Variants in E4F1 observed in about 807,000 individuals in gnomAD.
E4F1 encodes the protein E4F transcription factor 1.
E4F1 carries 30 observed loss-of-function variants against 72.9 expected under a neutral mutation model. That is an observed-to-expected ratio of 0.41 (90% CI 0.31 to 0.56). E4F1 has a LOEUF of 0.56. Ranked by LOEUF, E4F1 falls within the 20% of genes least tolerant of loss-of-function variation. The probability of loss-of-function intolerance (pLI) is 0.25; values close to 1 mark genes in which losing one functional copy is unlikely to be tolerated. For missense variants in E4F1, 1,091 were observed against 1,117.5 expected (o/e 0.98, Z 0.34); for synonymous variants, 542 against 478.2 (o/e 1.13, Z -1.74).
chr16:2,223,756 C>A lies in E4F1; in HGVS notation c.143C>A (p.Pro48His). Reference protein sequence around the residue: ...APSGFLGLPAPFSEEDEDDVH... With the variant: ...APSGFLGLPAHFSEEDEDDVH... Reference sequence around the variant, plus strand: ...AGCGGCTTCCTCGGCCTCCCGGCGCCCTTCAGCGAGGAAGGTAACCGGGCC... The same window carrying A: ...AGCGGCTTCCTCGGCCTCCCGGCGCACTTCAGCGAGGAAGGTAACCGGGCC... The change falls in exon 1 of 14, where the codon CCC (proline) becomes CAC (histidine). Residue 48 changes from proline (P) to histidine (H), a missense_variant. By Grantham distance (77) the Pro-to-His change is moderately conservative (BLOSUM62 -2). Transcript: ENST00000301727. 3.3e-6 allele frequency: 5 copies of A among 1,532,918 alleles called. No individual in the cohort carries two copies. The highest frequency in any genetic ancestry group is 4.3e-6 in the Non-Finnish European group (5 of 1,151,144). 95.0% of individuals were successfully genotyped at this position (1,532,918 alleles called of 1,614,324 possible).
At chr16:2,223,816 A>T in intron 1 of E4F1, 46 bp downstream of exon 1, 1 of 1,535,454 alleles carries the variant, frequency 6.5e-7, no homozygotes, top group Non-Finnish European at 8.7e-7. Flanking sequence ...CGGGCAGTTC[A>T]TCCCGGGCTG....
intron 10 of E4F1, 43 bp downstream of exon 10, chr16:2,234,431 C>T (rs1027792336): frequency 1.2e-6 from 2 of 1,605,986 alleles, no homozygotes; most frequent in East Asian, 2.2e-5. Flanking sequence ...ATCCCCCCAT[C>T]CTGCTCCCTG....
chr16:2,235,097 C>G lies in E4F1; in HGVS notation c.1952C>G (p.Ala651Gly). The change falls in exon 13 of 14, where the codon GCG becomes GGG. Residue 651 changes from alanine (A) to glycine (G), a missense_variant. Physicochemically the swap from Ala to Gly is moderately conservative, Grantham distance 60 (BLOSUM62 0). Transcript: ENST00000301727. ...TCTGCCCAGGCCACTGCGGACGATG[C>G]GGAGACCAGTGAGGCCACGGAGATC... Reference protein sequence around the residue: ...EYIIEATADDAETSEATEIIE... With the variant: ...EYIIEATADDGETSEATEIIE... 8 of 1,612,324 alleles carry G rather than the reference C, an allele frequency of 5.0e-6. No homozygotes were observed. The highest frequency in any genetic ancestry group is 4.5e-5 in the East Asian group (2 of 44,840).
At chr16:2,231,823 C>T (rs112862402) in intron 3 of E4F1, 21 of 274,732 alleles carry the variant, frequency 7.6e-5, no homozygotes, top group African/African-American at 4.0e-4. Flanking sequence ...GCAGGACAGG[C>T]GGCTGTCTCT....
In E4F1 at chr16:2,234,577, C is replaced by T. The variant is rs2093491437; in HGVS notation, c.1594-6C>T. The T allele has an allele frequency of 6.3e-7, 1 of 1,580,446 alleles. No individual in the cohort carries two copies. The highest frequency in any genetic ancestry group is 8.6e-7 in the Non-Finnish European group (1 of 1,163,300). ...GCCAGGCTGGCACTGACAGGTGTCT[C>T]CACAGAACGCACAGCAGGTGCACTT... On this transcript the variant is annotated splice_polypyrimidine_tract_variant and splice_region_variant and intron_variant, in intron 10 of 13. Coordinates refer to ENST00000301727, the MANE Select transcript of E4F1 (RefSeq NM_004424.5).
Position 2,235,408 on chromosome 16 carries a change from A to G in E4F1, c.2191A>G (p.Ile731Val). 6.2e-7 allele frequency: 1 copy of G among 1,612,050 alleles called. No individual in the cohort carries two copies. The highest frequency in any genetic ancestry group is 8.5e-7 in the Non-Finnish European group (1 of 1,179,906). Reference protein sequence around the residue: ...EQVAMTLASAISEGTVLAARA... With the variant: ...EQVAMTLASAVSEGTVLAARA... ...GGTGGCCATGACGCTGGCCTCGGCC[A>G]TCAGCGAGGGCACTGTGCTTGCCGC... The change falls in exon 14 of 14, where the codon ATC becomes GTC. Residue 731 changes from isoleucine (I) to valine (V), a missense_variant. Ile to Val is a conservative substitution (Grantham distance 29). Transcript: ENST00000301727.
Position 2,234,799 on chromosome 16 carries a change from T to TGGG in E4F1, c.1792+19_1792+21dup. The TGGG allele has an allele frequency of 3.3e-6, 1 of 303,556 alleles. No individual in the cohort carries two copies. The highest frequency in any genetic ancestry group is 5.0e-6 in the Non-Finnish European group (1 of 200,878). 18.8% of individuals were successfully genotyped at this position (303,556 alleles called of 1,614,324 possible). ...CACCAAAGGTCTGGGCCGGTGGAGG[T>TGGG]GGGAGGGGGAGGGGAGGGGGCCGGG... is the stretch of plus-strand genomic sequence containing the variant. On this transcript the variant is annotated intron_variant, in intron 11 of 13. Transcript: ENST00000301727.
chr16:2,235,148 G>C lies in E4F1; in HGVS notation c.1998+5G>C. ...ATCGAGGGCACCCAGACAGAGGTGA[G>C]GGGTAGGGCAGGCGGGGGCGGGGAG... is the stretch of plus-strand genomic sequence containing the variant. On this transcript the variant is annotated splice_donor_5th_base_variant and intron_variant, in intron 13 of 13. Transcript: ENST00000301727. 1 of 1,612,142 alleles carries C rather than the reference G, an allele frequency of 6.2e-7. No individual in the cohort carries two copies. The highest frequency in any genetic ancestry group is 8.5e-7 in the Non-Finnish European group (1 of 1,179,880).
rs1244382784 is a variant in E4F1 at position 2,235,593 on chromosome 16, G to A, written c.*21G>A. 6.4e-7 allele frequency: 1 copy of A among 1,558,098 alleles called. No homozygotes were observed. Among genetic ancestry groups the A allele is most frequent in the Non-Finnish European group, 8.7e-7 (1 of 1,148,030 alleles). On this transcript the variant is annotated 3_prime_UTR_variant, in exon 14 of 14. Transcript: ENST00000301727. The stretch of plus-strand genomic sequence containing the variant: ...TCTAGCATGAGGTCTGCGGGGTCCT[G>A]GCCGGGCAGGGACAGGGCAGAGGAC...
rs979772085 is a variant in E4F1 at position 2,234,506 on chromosome 16, T to C, written c.1594-77T>C. The C allele has an allele frequency of 2.6e-6, 4 of 1,554,886 alleles. No homozygotes were observed. The African/African-American group carries it at 5.4e-5, about 21-fold the overall frequency. On this transcript the variant is annotated intron_variant, in intron 10 of 13. Coordinates refer to ENST00000301727, the MANE Select transcript of E4F1 (RefSeq NM_004424.5). ...GCTCAGTCTTGACCCAGCCCCTCCC[T>C]TGGGCCACAGGCGGGAGGGGAGAGC...
rs1006904652 is a variant in E4F1, at chr16:2,235,192, T to C, written c.1999-24T>C. 4 of 1,609,912 alleles carry C rather than the reference T, an allele frequency of 2.5e-6. 1 individual carries two copies. Among genetic ancestry groups the C allele is most frequent in the Non-Finnish European group, 2.5e-6 (3 of 1,179,002 alleles). Reference sequence around the variant, plus strand: ...CGGGGAGGCTCCCTGGCACAGCCGCTCTTGCTGAGCCGTGGCCCTGCAGGT... The same window carrying C: ...CGGGGAGGCTCCCTGGCACAGCCGCCCTTGCTGAGCCGTGGCCCTGCAGGT... On this transcript the variant is annotated intron_variant, in intron 13 of 13. Transcript: ENST00000301727.
rs1323694121 is a variant in E4F1, at chr16:2,234,778, A to G, written c.1789A>G (p.Lys597Glu). Reference sequence around the variant, plus strand: ...CACGCTGAACCGGCACCTGCGCACCAAAGGTCTGGGCCGGTGGAGGTGGGA... The same window carrying G: ...CACGCTGAACCGGCACCTGCGCACCGAAGGTCTGGGCCGGTGGAGGTGGGA... The part of the protein sequence containing the change: ...HGTLNRHLRT[K>E]GGCLLEVEEL... The change falls in exon 11 of 14, where the codon AAA becomes GAA. Residue 597 changes from lysine to glutamate, a missense_variant. Physicochemically the swap from Lys to Glu is moderately conservative, Grantham distance 56. Coordinates refer to ENST00000301727, the MANE Select transcript of E4F1 (RefSeq NM_004424.5). 3 of 1,545,984 alleles carry G rather than the reference A, an allele frequency of 1.9e-6. No individual in the cohort carries two copies. Among genetic ancestry groups the G allele is most frequent in the Admixed American group, 3.9e-5 (2 of 50,926 alleles).
intron 1 of E4F1, among the ~76,000 whole-genome samples, chr16:2,225,588 C>T (rs745770809): frequency 1.3e-5 from 2 of 151,382 alleles, no homozygotes; most frequent in Non-Finnish European, 2.9e-5. Flanking sequence ...ATTCTCCTGA[C>T]TCGGCCTCCT....
In E4F1 at chr16:2,223,624, C is replaced by T; in HGVS notation, c.11C>T (p.Ala4Val). Residue 4 changes from alanine to valine, a missense_variant, in exon 1 of 14, where the codon GCG (alanine) becomes GTG (valine). Physicochemically the swap from Ala to Val is moderately conservative, Grantham distance 64 (BLOSUM62 0). Around this residue, in one of 5 missense-constraint regions of E4F1, gnomAD observed 362 missense variants for 358.6 expected, o/e 1.01. Transcript: ENST00000301727. ...GCGGCGCGTTGCGACATGGAGGGCGCGATGGCAGTGCGGGTGACGGCCGCT... is the reference window on the plus strand; with the variant it reads ...GCGGCGCGTTGCGACATGGAGGGCGTGATGGCAGTGCGGGTGACGGCCGCT... MEG[A>V]MAVRVTAAHT... 6.3e-7 allele frequency: 1 copy of T among 1,589,330 alleles called. No individual in the cohort carries two copies. The highest frequency in any genetic ancestry group is 8.5e-7 in the Non-Finnish European group (1 of 1,173,448).
At chr16:2,228,149 C>T (rs1364103538) in intron 1 of E4F1, 5 of 610,328 alleles carry the variant, frequency 8.2e-6, no homozygotes, top group South Asian at 1.9e-5. Context: ...GTGCTGACCT[C>T]CTGAGGGTGG....
rs59563983 is a variant in E4F1, at chr16:2,229,747, G to T, written c.415+72G>T. ...GGGGCCAGAGGATGGGGCCCCTGCT[G>T]CCTGTATGCTCGTCTCTCCCGAGAC... On this transcript the variant is annotated intron_variant, in intron 3 of 13. Transcript: ENST00000301727. 3.4e-3 allele frequency: 5,175 copies of T among 1,513,826 alleles called. 129 individuals carry two copies. In the African/African-American group the frequency reaches 0.057, roughly 17 times the overall value. 93.8% of individuals were successfully genotyped at this position (1,513,826 alleles called of 1,614,324 possible).
At chr16:2,225,152 G>A (rs1481323294) in intron 1 of E4F1, among the ~76,000 whole-genome samples, 2 of 152,104 alleles carry the variant, frequency 1.3e-5, no homozygotes, top group Admixed American at 6.5e-5. Flanking sequence ...GACGGAGGTC[G>A]CAGTAAGCCG....
Position 2,223,617 on chromosome 16 carries a change from G to C in E4F1, c.4G>C (p.Glu2Gln), listed in dbSNP as rs1213217586. Reference protein sequence around the residue: MEGAMAVRVTAA... With the variant: MQGAMAVRVTAA... ...TCTTCCTGCGGCGCGTTGCGACATG[G>C]AGGGCGCGATGGCAGTGCGGGTGAC... Residue 2 changes from glutamate (E) to glutamine (Q), a missense_variant, in exon 1 of 14, where the codon GAG (glutamate) becomes CAG (glutamine). Physicochemically the swap from Glu to Gln is conservative, Grantham distance 29. Coordinates refer to ENST00000301727, the MANE Select transcript of E4F1 (RefSeq NM_004424.5). 3 of 1,588,530 alleles carry C rather than the reference G, an allele frequency of 1.9e-6. No individual in the cohort carries two copies. The highest frequency in any genetic ancestry group is 1.1e-5 in the South Asian group (1 of 89,888).
At chr16:2,227,383 T>G (rs1170629699) in intron 1 of E4F1, among the ~76,000 whole-genome samples, 2 of 151,812 alleles carry the variant, frequency 1.3e-5, no homozygotes, top group Non-Finnish European at 2.9e-5. Context: ...CTAATATTGT[T>G]TTTTTTGAAA....
Sources: gnomAD v4.1 joint callset for allele counts (sites outside exome capture counted in the v4.1 genomes callset) on GRCh38, gnomAD v4.1.1 for gene constraint, gnomAD v4.1.1 regional missense constraint, MANE v1.5 for transcripts, NCBI Gene and HGNC (gene_info 2026-07-23, HGNC 2026-07-21) for gene names.